RAC2: variants seen among roughly 807,000 people sequenced by gnomAD.
RAC2 encodes Rac family small GTPase 2, also known as ras-related C3 botulinum toxin substrate 2.
Under a neutral mutation model 24.0 loss-of-function variants are expected in RAC2, and 1 was observed. That is an observed-to-expected ratio of 0.04 (90% CI 0.01 to 0.20). RAC2 has a LOEUF of 0.20. RAC2 is among the 10% of genes least tolerant of loss of function. The pLI is 1.00. For synonymous variants in RAC2, 114 were observed against 106.8 expected, an observed-to-expected ratio of 1.07 and a Z score of -0.41; for missense variants, 130 against 259.1, an observed-to-expected ratio of 0.50 and a Z score of 3.42.
intron 2 of RAC2, 52 bp downstream of exon 2, chr22:37,241,535 G>A: frequency 6.4e-7 from 1 of 1,552,120 alleles, no homozygotes; most frequent in South Asian, 1.1e-5. Flanking sequence ...GGGTCGACTT[G>A]GTGACGGTCT....
intron 2 of RAC2, among the ~76,000 whole-genome samples, chr22:37,235,577 C>T (rs145736749): frequency 3.9e-5 from 6 of 152,216 alleles, no homozygotes; most frequent in African/African-American, 1.2e-4. Flanking sequence ...GGCCAGCCCG[C>T]GGTCTGGTGC....
At chr22:37,235,816 C>A (rs1266758762) in intron 2 of RAC2, among the ~76,000 whole-genome samples, 2 of 152,236 alleles carry the variant, frequency 1.3e-5, no homozygotes, top group Non-Finnish European at 1.5e-5. Flanking sequence ...ATTCACCTGT[C>A]TCCTCTGGGT....
chr22:37,232,108 G>T, intron 3 of RAC2, 114 bp from the exon 4 acceptor site: 2 of 1,035,174 alleles, frequency 1.9e-6, no homozygotes, highest in South Asian at 1.4e-5. Flanking sequence ...CCCAGGGAAT[G>T]CTGGGGACTT....
chr22:37,231,692 G>A lies in RAC2; in HGVS notation c.288+240C>T. ...TCGGAGGCGGACATGAGGTTGTGTG[G>A]GGAGGAGGAGAATGCAGCCATGGAA... On this transcript the variant is annotated intron_variant, in intron 4 of 6. Transcript: ENST00000249071. The surrounding 1 kb of genome is among the most constrained non-coding windows in gnomAD (Gnocchi z 5.5). Among the ~76,000 whole-genome samples the A allele has an allele frequency of 6.6e-6, 1 of 152,012 alleles. No homozygotes were observed. Among genetic ancestry groups the A allele is most frequent in the Non-Finnish European group, 1.5e-5 (1 of 68,002 alleles).
At chr22:37,234,896 C>T (rs527797965) in intron 2 of RAC2, among the ~76,000 whole-genome samples, 86 of 152,322 alleles carry the variant, frequency 5.6e-4, no homozygotes, top group African/African-American at 1.9e-3. Context: ...TCCTCTCTGG[C>T]GGAGCTTCGT....
At chr22:37,233,057 C>G in intron 2 of RAC2, 139 bp from the exon 3 acceptor site, 2 of 701,600 alleles carry the variant, frequency 2.9e-6, no homozygotes, top group Non-Finnish European at 5.2e-6. Flanking sequence ...ACAGCATTTG[C>G]AATTGGGTTT....
At chr22:37,236,103 T>C (rs1927214188) in intron 2 of RAC2, among the ~76,000 whole-genome samples, 2 of 152,196 alleles carry the variant, frequency 1.3e-5, no homozygotes, top group Admixed American at 6.5e-5. Flanking sequence ...GTGAGTGACC[T>C]AACTTCTCTG....
At chr22:37,240,518 C>T (rs902802111) in intron 2 of RAC2, among the ~76,000 whole-genome samples, 6 of 151,818 alleles carry the variant, frequency 4.0e-5, no homozygotes, top group African/African-American at 1.4e-4. Flanking sequence ...TAGATGGTGG[C>T]TATGATCGAT....
intron 2 of RAC2, among the ~76,000 whole-genome samples, chr22:37,238,233 TTTTTA>T (rs990975691): frequency 6.6e-6 from 1 of 152,022 alleles, no homozygotes. Context: ...TGGGAGGCTC[TTTTTA>T]TTTTATTTTA....
chr22:37,242,424 G>A (rs890737404), intron 1 of RAC2, among the ~76,000 whole-genome samples: 2 of 152,184 alleles, frequency 1.3e-5, no homozygotes, highest in Non-Finnish European at 2.9e-5. Context: ...CCCCAGAGCT[G>A]GTACATAGGA....
At chr22:37,233,281 TG>T (rs35346691) in intron 2 of RAC2, among the ~76,000 whole-genome samples, 27,099 of 151,636 alleles carry the variant, frequency 0.18, 3,023 homozygotes, top group African/African-American at 0.31. Flanking sequence ...TGTTGTTTTT[TG>T]TTTGTTTGTT....
At chr22:37,232,056 C>T in intron 3 of RAC2, 62 bp from the exon 4 acceptor site, 2 of 1,519,526 alleles carry the variant, frequency 1.3e-6, no homozygotes, top group East Asian at 4.9e-5. Flanking sequence ...ACCATGGCAG[C>T]CACCGAGAGG....
chr22:37,230,186 G>A (rs1349998463), intron 5 of RAC2, among the ~76,000 whole-genome samples: 3 of 152,006 alleles, frequency 2.0e-5, no homozygotes, highest in Non-Finnish European at 4.4e-5. Context: ...AGTCACAGAA[G>A]GAGGGAGGTG....
intron 5 of RAC2, among the ~76,000 whole-genome samples, chr22:37,229,427 T>C (rs1177744514): frequency 2.6e-5 from 4 of 152,202 alleles, no homozygotes; most frequent in African/African-American, 4.8e-5. Context: ...CCCCCGAGCC[T>C]GTTTCCTCTC....
chr22:37,229,808 G>A (rs1314774970), intron 5 of RAC2, among the ~76,000 whole-genome samples: 2 of 152,224 alleles, frequency 1.3e-5, no homozygotes, highest in Non-Finnish European at 2.9e-5. Flanking sequence ...AGCTTATGTG[G>A]AGAGGGAGAC....
At chr22:37,238,459 C>T (rs774788013) in intron 2 of RAC2, among the ~76,000 whole-genome samples, 6 of 152,104 alleles carry the variant, frequency 3.9e-5, no homozygotes, top group African/African-American at 1.4e-4. Context: ...AGGCTGGTCT[C>T]GAACTCATGG....
rs1926845882 is a variant in RAC2 at position 37,226,718 on chromosome 22, G to A, written c.534C>T (p.Cys178=). The change falls in exon 6 of 7, where the codon TGC becomes TGT. Residue 178 remains cysteine, a synonymous_variant. Coordinates refer to ENST00000249071, the MANE Select transcript of RAC2 (RefSeq NM_002872.5). ...VFDEAIRAVL[C]PQPTRQQKRA... is the part of the protein sequence containing the mutation. ...GCTTCTGCTGCCGCGTGGGCTGAGG[G>A]CACAGCACGGCCCGGATGGCCTCGT... 4 of 1,613,046 alleles carry A rather than the reference G, an allele frequency of 2.5e-6. No homozygotes were observed. The highest frequency in any genetic ancestry group is 3.3e-5 in the Admixed American group (2 of 59,942).
At chr22:37,233,959 G>A (rs1427757624) in intron 2 of RAC2, among the ~76,000 whole-genome samples, 2 of 152,214 alleles carry the variant, frequency 1.3e-5, no homozygotes, top group African/African-American at 4.8e-5. Context: ...TTAGTCACTG[G>A]CCATGGGAAG....
Position 37,241,668 on chromosome 22 carries a change from A to G in RAC2, c.36-10T>C, listed in dbSNP as rs766569039. The G allele has an allele frequency of 9.9e-6, 16 of 1,612,882 alleles. 1 individual carries two copies. The South Asian group carries it at 1.8e-4, about 18-fold the overall frequency. ...GGTCTTGCCCACGGCCCTGAAAGACAGGAAGTGCAAGAGGGCGGCGGTCAT... is the reference window on the plus strand; with the variant it reads ...GGTCTTGCCCACGGCCCTGAAAGACGGGAAGTGCAAGAGGGCGGCGGTCAT... On this transcript the variant is annotated splice_polypyrimidine_tract_variant and intron_variant, in intron 1 of 6. Transcript: ENST00000249071.
Sources: allele counts gnomAD v4.1 joint callset (sites outside exome capture counted in the v4.1 genomes callset), GRCh38; gene constraint gnomAD v4.1.1; non-coding constraint Gnocchi (gnomAD v3.1); transcripts MANE v1.5; gene names NCBI Gene and HGNC (gene_info 2026-07-23, HGNC 2026-07-21).